FSD2: variants seen among roughly 807,000 people sequenced by gnomAD.
FSD2 encodes fibronectin type III and SPRY domain containing 2.
FSD2 carries 71 observed loss-of-function variants against 80.4 expected under a neutral mutation model. That is an observed-to-expected ratio of 0.88 (90% CI 0.73 to 1.08). FSD2 has a LOEUF of 1.08. Ranked by LOEUF, FSD2 falls within the 50% of genes least tolerant of loss-of-function variation. The pLI, the probability that FSD2 is intolerant of heterozygous loss-of-function variation, is 0.00. For synonymous variants in FSD2, 361 were observed against 329.5 expected (o/e 1.10, Z -1.03); for missense variants, 923 against 913.8 (o/e 1.01, Z -0.13).
At chr15:82,778,582 T>C (rs1202122371) in intron 6 of FSD2, among the ~76,000 whole-genome samples, 184 bp downstream of exon 6, 1 of 152,150 alleles carries the variant, frequency 6.6e-6, no homozygotes, top group Admixed American at 6.5e-5. Context: ...CAAAGATTAG[T>C]TATACAAGAT....
rs185248218 is a variant in FSD2 at position 82,802,249 on chromosome 15, C to G, written c.-79+3717G>C. 1.4e-4 allele frequency among the ~76,000 whole-genome samples: 22 copies of G among 152,314 alleles called. 1 individual carries two copies. The East Asian group carries it at 4.1e-3, about 28-fold the overall frequency. On this transcript the variant is annotated intron_variant, in intron 1 of 12. Transcript: ENST00000334574. ...CTGAGCTGGACCAGCAAGTCTCCCC[C>G]TCCATACATACCAGACCCAAGGGAT... is the stretch of plus-strand genomic sequence containing the variant.
At chr15:82,777,235 T>A (rs780610741) in intron 6 of FSD2, among the ~76,000 whole-genome samples, 9 of 152,176 alleles carry the variant, frequency 5.9e-5, no homozygotes, top group Non-Finnish European at 1.3e-4. Flanking sequence ...CACTACATCA[T>A]ACTAAAATAG....
intron 7 of FSD2, among the ~76,000 whole-genome samples, chr15:82,771,027 C>T (rs2049555848): frequency 2.0e-5 from 3 of 152,080 alleles, no homozygotes; most frequent in Non-Finnish European, 1.5e-5. Context: ...CTCTCCATGT[C>T]CTCTTTAGTC....
chr15:82,764,764 C>T (rs2049373900), intron 11 of FSD2, among the ~76,000 whole-genome samples: 1 of 151,974 alleles, frequency 6.6e-6, no homozygotes. Context: ...AGGCATGAGC[C>T]ACCGTGCCTG....
chr15:82,790,125 A>G lies in FSD2; in HGVS notation c.-78-2657T>C, dbSNP rs181378778. Reference sequence around the variant, plus strand: ...AGGGAGGCGGAGGTTGCAGTGAGCCATGACTATGCCACTGAACTCCAGCCT... The same window carrying G: ...AGGGAGGCGGAGGTTGCAGTGAGCCGTGACTATGCCACTGAACTCCAGCCT... On this transcript the variant is annotated intron_variant, in intron 1 of 12. Transcript: ENST00000334574. Among the ~76,000 whole-genome samples, 1,930 of 152,234 alleles carry G rather than the reference A, an allele frequency of 0.013. 177 individuals are homozygous for G. In the South Asian group the frequency reaches 0.27, roughly 21 times the overall value.
chr15:82,766,512 C>A (rs113342457), intron 9 of FSD2, among the ~76,000 whole-genome samples: 1 of 152,064 alleles, frequency 6.6e-6, no homozygotes, highest in Non-Finnish European at 1.5e-5. Flanking sequence ...GAGGCTGAGG[C>A]GGGTGGGTCA....
At chr15:82,765,020 C>T in intron 11 of FSD2, 146 bp downstream of exon 11, 3 of 1,001,356 alleles carry the variant, frequency 3.0e-6, no homozygotes, top group Non-Finnish European at 4.2e-6. Flanking sequence ...TCTGGGTCCC[C>T]TCCCCATTAG....
In FSD2 at chr15:82,772,268, G is replaced by GT. The variant is rs550720200; in HGVS notation, c.1112-41_1112-40insA. The GT allele has an allele frequency of 6.7e-5, 105 of 1,565,516 alleles. 2 individuals carry two copies. The East Asian group carries it at 2.4e-3, about 35-fold the overall frequency. ...GAAAAAAGAAGAGGAACCTCTAATA[G>GT]AGGTGTGGGGTGACAGTGGCCCCTT... On this transcript the variant is annotated intron_variant, in intron 6 of 12. Coordinates refer to ENST00000334574, the MANE Select transcript of FSD2 (RefSeq NM_001007122.4).
chr15:82,782,496 T>C (rs889208278), intron 4 of FSD2, among the ~76,000 whole-genome samples: 7 of 152,220 alleles, frequency 4.6e-5, no homozygotes, highest in African/African-American at 1.4e-4. Flanking sequence ...GGAACAGGTA[T>C]CTGGGTGACC....
chr15:82,764,492 C>CTTTTTTTTTTTTGTTTTTTT (rs2049363044), intron 11 of FSD2, among the ~76,000 whole-genome samples: 2 of 86,180 alleles, frequency 2.3e-5, no homozygotes, highest in African/African-American at 4.8e-5. Flanking sequence ...TCTTTACTTG[C>CTTTTTTTTTTTTGTTTTTTT]TTTTTTTTTT....
chr15:82,761,652 TTC>T (rs1283707991), intron 12 of FSD2, among the ~76,000 whole-genome samples: 1 of 151,300 alleles, frequency 6.6e-6, no homozygotes, highest in East Asian at 1.9e-4. Context: ...CTTATTTTTA[TTC>T]TTTTATTTTA....
Position 82,781,895 on chromosome 15 carries a change from T to TA in FSD2, c.966+899dup, listed in dbSNP as rs773142572. Among the ~76,000 whole-genome samples the TA allele has an allele frequency of 3.4e-3, 487 of 141,904 alleles. 1 individual carries two copies. Among genetic ancestry groups the TA allele is most frequent in the Non-Finnish European group, 4.4e-3 (289 of 64,960 alleles). The allele number at this position is 141,904 out of a possible 152,430, so 93.1% of individuals were successfully genotyped here. A position where few individuals can be genotyped will look rare whatever the true frequency, so the allele number is the denominator to read the frequency against. ...CAACATGGTGAAACCCCGTCTCTAC[T>TA]AAAAAAAAAAATACAAAAATTAGCT... On this transcript the variant is annotated intron_variant, in intron 4 of 12. Coordinates refer to ENST00000334574, the MANE Select transcript of FSD2 (RefSeq NM_001007122.4).
rs756864510 is a variant in FSD2, at chr15:82,762,272, A to C, written c.1827T>G (p.Val609=). 1.6e-5 allele frequency: 26 copies of C among 1,613,630 alleles called. No individual in the cohort carries two copies. The highest frequency in any genetic ancestry group is 2.2e-5 in the Non-Finnish European group (26 of 1,179,702). ...CTGGAATTAGATTTCCCATGACAGCAACACACCTGGTTTTAGAAAGTGGAA... is the reference window on the plus strand; with the variant it reads ...CTGGAATTAGATTTCCCATGACAGCCACACACCTGGTTTTAGAAAGTGGAA... ...SPSDTHFTRC[V]AVMGNLIPVR... The change falls in exon 12 of 13, where the codon GTT becomes GTG. Residue 609 remains valine, a synonymous_variant. Transcript: ENST00000334574.
At chr15:82,782,205 C>G (rs4779062) in intron 4 of FSD2, among the ~76,000 whole-genome samples, 29,361 of 150,242 alleles carry the variant, frequency 0.2, 3,067 homozygotes, top group East Asian at 0.38. Context: ...ACCATCCTGG[C>G]TAACACAGTG....
intron 6 of FSD2, among the ~76,000 whole-genome samples, chr15:82,775,331 G>A (rs544517623): frequency 1.4e-4 from 22 of 152,052 alleles, no homozygotes; most frequent in African/African-American, 5.3e-4. Context: ...CCAGGAGGCT[G>A]AGGTTGCAGT....
In FSD2 at chr15:82,768,949, A is replaced by G; in HGVS notation, c.1484T>C (p.Leu495Pro). The change falls in exon 9 of 13, where the codon CTG becomes CCG. Residue 495 changes from leucine to proline, a missense_variant. Physicochemically the swap from Leu to Pro is moderately conservative, Grantham distance 98. Coordinates refer to ENST00000334574, the MANE Select transcript of FSD2 (RefSeq NM_001007122.4). ...AVLICWESGN[L>P]NPVDSYTVEL... ...CACAGTGTACGAGTCCACAGGATTCAGGTTCCCAGACTCCCAGCAAATCAG... is the reference window on the plus strand; with the variant it reads ...CACAGTGTACGAGTCCACAGGATTCGGGTTCCCAGACTCCCAGCAAATCAG... 1 of 1,608,170 alleles carries G rather than the reference A, an allele frequency of 6.2e-7. No individual in the cohort carries two copies. Among genetic ancestry groups the G allele is most frequent in the Non-Finnish European group, 8.5e-7 (1 of 1,177,360 alleles).
chr15:82,787,395 ACT>A lies in FSD2; in HGVS notation c.-7_-6del. The A allele has an allele frequency of 6.3e-7, 1 of 1,591,238 alleles. No homozygotes were observed. Among genetic ancestry groups the A allele is most frequent in the South Asian group, 1.1e-5 (1 of 87,164 alleles). The stretch of plus-strand genomic sequence containing the variant: ...CTCCCCCGATTCCTCCTCCATTGTA[ACT>A]CTGGAAGTCCTCAGAAGCACCTTTA... On this transcript the variant is annotated 5_prime_UTR_variant, in exon 2 of 13. Coordinates refer to ENST00000334574, the MANE Select transcript of FSD2 (RefSeq NM_001007122.4).
intron 4 of FSD2, among the ~76,000 whole-genome samples, chr15:82,782,065 AAAT>A (rs71455428): frequency 0.042 from 4,457 of 106,968 alleles, 88 homozygotes; most frequent in Non-Finnish European, 0.054. Flanking sequence ...CTCCATCTCA[AAAT>A]AATAATAATA....
chr15:82,804,922 G>A (rs537084206), intron 1 of FSD2, among the ~76,000 whole-genome samples: 2 of 152,216 alleles, frequency 1.3e-5, no homozygotes, highest in African/African-American at 4.8e-5. Flanking sequence ...ATCAGGATTT[G>A]GGGAGAAAGG....
Sources: allele counts gnomAD v4.1 joint callset (sites outside exome capture counted in the v4.1 genomes callset), GRCh38; gene constraint gnomAD v4.1.1; transcripts MANE v1.5; gene names NCBI Gene and HGNC (gene_info 2026-07-23, HGNC 2026-07-21).